Variants in KCNJ13 observed in about 807,000 individuals in gnomAD.
The protein encoded by KCNJ13 is inward rectifier potassium channel 13.
A neutral mutation model predicts 24.6 loss-of-function variants in KCNJ13; 9 were observed. The ratio of observed to expected loss-of-function variants is 0.37; its 90% CI spans 0.22 to 0.64. KCNJ13 has a LOEUF of 0.64. Among genes scored for constraint, KCNJ13 ranks in the 30% least tolerant of loss-of-function variants. KCNJ13 has a pLI of 0.64. For synonymous variants in KCNJ13, 148 were observed against 154.7 expected, an observed-to-expected ratio of 0.96 and a Z score of 0.32; for missense variants, 337 against 443.8, an observed-to-expected ratio of 0.76 and a Z score of 2.16.
rs1698953418 is a variant in KCNJ13, at chr2:232,766,137, A to G, written c.*2054T>C. Reference sequence around the variant, plus strand: ...AGAAACTGTGATTTGAAATAAGTGAAAGAAACAATGAACAGTCCTCCCAGA... The same window carrying G: ...AGAAACTGTGATTTGAAATAAGTGAGAGAAACAATGAACAGTCCTCCCAGA... On this transcript the variant is annotated 3_prime_UTR_variant, in exon 3 of 3. Coordinates refer to ENST00000233826, the MANE Select transcript of KCNJ13 (RefSeq NM_002242.4). Among the ~76,000 whole-genome samples, 1 of 152,234 alleles carries G rather than the reference A, an allele frequency of 6.6e-6. No individual in the cohort carries two copies. Among genetic ancestry groups the G allele is most frequent in the South Asian group, 2.1e-4 (1 of 4,834 alleles).
intron 1 of KCNJ13, among the ~76,000 whole-genome samples, chr2:232,773,470 A>AT (rs200718448): frequency 0.024 from 3,531 of 148,926 alleles, 153 homozygotes; most frequent in African/African-American, 0.082. Context: ...AAGCCAGTTA[A>AT]TTTTTTTTTT....
At position 232,768,446 on chromosome 2, in the gene KCNJ13, C is replaced by T. The variant is rs750831125; in HGVS notation, c.828G>A (p.Glu276=). Residue 276 remains glutamate (E), a synonymous_variant, in exon 3 of 3, where the codon GAG becomes GAA. Transcript: ENST00000233826. The part of the protein sequence containing the change: ...ELVVFLSAMQ[E]GTGEICQRRT... ...TCCTTTGGCATATTTCTCCAGTGCC[C>T]TCCTGCATTGCTGAAAGGAATACAA... The T allele has an allele frequency of 1.2e-6, 2 of 1,614,192 alleles. No individual in the cohort carries two copies. The highest frequency in any genetic ancestry group is 2.2e-5 in the South Asian group (2 of 91,084).
intron 1 of KCNJ13, among the ~76,000 whole-genome samples, chr2:232,771,712 C>T (rs1439050896): frequency 2.6e-5 from 4 of 152,170 alleles, no homozygotes; most frequent in Non-Finnish European, 5.9e-5. Flanking sequence ...GGGTGTCAAG[C>T]ATTTATTGAT....
At chr2:232,775,269 T>C (rs541766517) in intron 1 of KCNJ13, among the ~76,000 whole-genome samples, 1 of 152,264 alleles carries the variant, frequency 6.6e-6, no homozygotes, top group Non-Finnish European at 1.5e-5. Flanking sequence ...CACTGTTGGT[T>C]ACATAGCTGT....
At chr2:232,774,464 A>G (rs1430714265) in intron 1 of KCNJ13, among the ~76,000 whole-genome samples, 1 of 152,220 alleles carries the variant, frequency 6.6e-6, no homozygotes, top group Non-Finnish European at 1.5e-5. Flanking sequence ...AAAGCAATGT[A>G]GAGAGGAGAG....
chr2:232,770,585 ACCT>A (rs1699196587), intron 2 of KCNJ13, among the ~76,000 whole-genome samples: 1 of 142,746 alleles, frequency 7.0e-6, no homozygotes, highest in South Asian at 2.6e-4. Flanking sequence ...TTCAGTGAAA[ACCT>A]CCTTTTAAAC....
chr2:232,775,607 C>T (rs1699479790), intron 1 of KCNJ13, among the ~76,000 whole-genome samples: 2 of 151,974 alleles, frequency 1.3e-5, no homozygotes. Context: ...AAAATATTTG[C>T]CCATTTATAA....
intron 1 of KCNJ13, 119 bp from the exon 2 acceptor site, chr2:232,771,497 A>G (rs537211516): frequency 2.9e-5 from 17 of 594,502 alleles, no homozygotes; most frequent in African/African-American, 1.9e-4. Context: ...AACTTTGCCA[A>G]CTCTCTCGCT....
chr2:232,766,067 C>T lies in KCNJ13; in HGVS notation c.*2124G>A, dbSNP rs1322008456. 4 of 470,092 alleles carry T rather than the reference C, an allele frequency of 8.5e-6. No individual in the cohort carries two copies. The highest frequency in any genetic ancestry group is 6.0e-5 in the African/African-American group (3 of 50,012). The allele number at this position is 470,092 out of a possible 1,614,324, so 29.1% of individuals were successfully genotyped here. A position where few individuals can be genotyped will look rare whatever the true frequency, so the allele number is the denominator to read the frequency against. ...CTTTTTCCATTGTTACTTCCTTTTCCTCAGAGGATAATGGTCTTTCTATAG... is the reference window on the plus strand; with the variant it reads ...CTTTTTCCATTGTTACTTCCTTTTCTTCAGAGGATAATGGTCTTTCTATAG... On this transcript the variant is annotated 3_prime_UTR_variant, in exon 3 of 3. Coordinates refer to ENST00000233826, the MANE Select transcript of KCNJ13 (RefSeq NM_002242.4).
chr2:232,774,812 T>C (rs1699443218), intron 1 of KCNJ13, among the ~76,000 whole-genome samples: 1 of 152,230 alleles, frequency 6.6e-6, no homozygotes, highest in South Asian at 2.1e-4. Context: ...ATGATTCTTT[T>C]GTATTTTCAA....
chr2:232,776,262 C>G, intron 1 of KCNJ13, 183 bp downstream of exon 1: 1 of 483,322 alleles, frequency 2.1e-6, no homozygotes, highest in Non-Finnish European at 3.7e-6. Flanking sequence ...TTCAATATGG[C>G]TGTTATTGCA....
Position 232,771,162 on chromosome 2 carries a change from G to A in KCNJ13, c.201C>T (p.His67=), listed in dbSNP as rs963732090. 1 of 1,614,060 alleles carries A rather than the reference G, an allele frequency of 6.2e-7. No individual in the cohort carries two copies. The highest frequency in any genetic ancestry group is 8.5e-7 in the Non-Finnish European group (1 of 1,179,940). The change falls in exon 2 of 3, where the codon CAC becomes CAT. Residue 67 remains histidine, a synonymous_variant. Transcript: ENST00000233826. ...MLVFSASFVV[H]WLVFAVLWYV... Reference sequence around the variant, plus strand: ...ACCAGAGCACTGCAAAGACAAGCCAGTGGACAACAAAAGAAGCAGAAAAGA... The same window carrying A: ...ACCAGAGCACTGCAAAGACAAGCCAATGGACAACAAAAGAAGCAGAAAAGA...
chr2:232,773,961 A>G (rs969278253), intron 1 of KCNJ13, among the ~76,000 whole-genome samples: 1 of 150,498 alleles, frequency 6.6e-6, no homozygotes, highest in African/African-American at 2.4e-5. Context: ...AGTAATAAGT[A>G]TCACTATTAG....
Position 232,766,330 on chromosome 2 carries a change from C to T in KCNJ13, c.*1861G>A. The T allele has an allele frequency of 5.1e-6, 1 of 194,872 alleles. No individual in the cohort carries two copies. Among genetic ancestry groups the T allele is most frequent in the Non-Finnish European group, 1.1e-5 (1 of 93,236 alleles). The allele number at this position is 194,872 out of a possible 1,614,324, so 12.1% of individuals were successfully genotyped here. A position where few individuals can be genotyped will look rare whatever the true frequency, so the allele number is the denominator to read the frequency against. ...TATAAACAGTAAGTATAATATGAAACTCATCTGACTTAAATGGAACCTTAG... is the reference window on the plus strand; with the variant it reads ...TATAAACAGTAAGTATAATATGAAATTCATCTGACTTAAATGGAACCTTAG... On this transcript the variant is annotated 3_prime_UTR_variant, in exon 3 of 3. Transcript: ENST00000233826.
chr2:232,775,687 T>C (rs1463912422), intron 1 of KCNJ13, among the ~76,000 whole-genome samples: 1 of 152,230 alleles, frequency 6.6e-6, no homozygotes, highest in African/African-American at 2.4e-5. Context: ...GAATTCATTC[T>C]ACTCATTGGG....
At position 232,768,071 on chromosome 2, in the gene KCNJ13, G is replaced by T. The variant is rs1046047196; in HGVS notation, c.*120C>A. 6 of 950,604 alleles carry T rather than the reference G, an allele frequency of 6.3e-6. No individual in the cohort carries two copies. The highest frequency in any genetic ancestry group is 1.9e-5 in the Admixed American group (1 of 51,626). 58.9% of individuals were successfully genotyped at this position (950,604 alleles called of 1,614,324 possible). A position where few individuals can be genotyped will look rare whatever the true frequency, so the allele number is the denominator to read the frequency against. On this transcript the variant is annotated 3_prime_UTR_variant, in exon 3 of 3. Coordinates refer to ENST00000233826, the MANE Select transcript of KCNJ13 (RefSeq NM_002242.4). Reference sequence around the variant, plus strand: ...GCCATTCTTATGTAGGCATAGGCATGATTACCGTGATGTAGAGAGCTATAA... The same window carrying T: ...GCCATTCTTATGTAGGCATAGGCATTATTACCGTGATGTAGAGAGCTATAA...
chr2:232,775,731 C>T (rs1352856774), intron 1 of KCNJ13, among the ~76,000 whole-genome samples: 1 of 152,040 alleles, frequency 6.6e-6, no homozygotes, highest in Non-Finnish European at 1.5e-5. Context: ...TTTCTGTTGC[C>T]ATGATAAAAA....
chr2:232,775,098 G>C (rs988191057), intron 1 of KCNJ13, among the ~76,000 whole-genome samples: 1 of 151,870 alleles, frequency 6.6e-6, no homozygotes, highest in African/African-American at 2.4e-5. Flanking sequence ...TGCTGGATTT[G>C]GTTTGGATTG....
intron 2 of KCNJ13, among the ~76,000 whole-genome samples, chr2:232,769,106 T>G (rs1253311790): frequency 6.6e-6 from 1 of 152,182 alleles, no homozygotes; most frequent in Non-Finnish European, 1.5e-5. Context: ...ATTGGTCATT[T>G]CCTATATTCC....
Sources: gnomAD v4.1 joint callset for allele counts (sites outside exome capture counted in the v4.1 genomes callset) on GRCh38, gnomAD v4.1.1 for gene constraint, MANE v1.5 for transcripts, NCBI Gene and HGNC (gene_info 2026-07-23, HGNC 2026-07-21) for gene names.